The following SLC12A7 variants were observed in gnomAD, a reference collection of about 807,000 sequenced individuals.
The protein encoded by SLC12A7 is solute carrier family 12 member 7, also known as K-Cl cotransporter 4.
A neutral mutation model predicts 120.6 loss-of-function variants in SLC12A7; 100 were observed. That is an observed-to-expected ratio of 0.83 (90% CI 0.71 to 0.98). The LOEUF (loss-of-function observed/expected upper bound fraction) is 0.98, where lower values mean the gene tolerates loss of function less well. Ranked by LOEUF, SLC12A7 falls within the 50% of genes least tolerant of loss-of-function variation. SLC12A7 has a pLI of 0.00. For missense variants in SLC12A7, 1,373 were observed against 1,548.1 expected, an observed-to-expected ratio of 0.89 and a Z score of 1.90; for synonymous variants, 760 against 678.0, an observed-to-expected ratio of 1.12 and a Z score of -1.88.
the SLC12A7 span, among the ~76,000 whole-genome samples, chr5:1,130,547 G>C: frequency 6.6e-6 from 1 of 151,900 alleles, no homozygotes; most frequent in East Asian, 1.9e-4. Flanking sequence ...CAGGGCGGCT[G>C]CCCGCGCAGG....
chr5:1,061,085 G>A (rs1736176637), intron 20 of SLC12A7, among the ~76,000 whole-genome samples: 1 of 83,360 alleles, frequency 1.2e-5, no homozygotes, highest in African/African-American at 4.1e-5. Context: ...TGCCGCATCC[G>A]CCATGCGGAA....
intron 10 of SLC12A7, 41 bp from the exon 11 acceptor site, chr5:1,078,799 G>A: frequency 9.9e-7 from 1 of 1,010,930 alleles, no homozygotes; most frequent in Non-Finnish European, 1.5e-6. Context: ...GTGGGTGCAG[G>A]GTCCTCAGGT....
At chr5:1,147,440 C>A in the SLC12A7 span, among the ~76,000 whole-genome samples, 19 of 151,894 alleles carry the variant, frequency 1.3e-4, no homozygotes, top group South Asian at 3.4e-3. Context: ...CCCGGAGAGA[C>A]CCGCCAGGAG....
rs1738537069 is a variant in SLC12A7, at chr5:1,077,826, G to A, written c.1629+7C>T. 6.3e-7 allele frequency: 1 copy of A among 1,577,488 alleles called. No homozygotes were observed. The highest frequency in any genetic ancestry group is 8.6e-7 in the Non-Finnish European group (1 of 1,162,564). On this transcript the variant is annotated splice_region_variant and intron_variant, in intron 12 of 23. Transcript: ENST00000264930. ...CAGGGTCCCCCCGACGAGGGTGCGGGACTCACCTGCAGGAAGGGGACGATG... is the reference window on the plus strand; with the variant it reads ...CAGGGTCCCCCCGACGAGGGTGCGGAACTCACCTGCAGGAAGGGGACGATG...
chr5:1,058,919 AC>A (rs1735903737), intron 21 of SLC12A7, among the ~76,000 whole-genome samples: 1 of 151,810 alleles, frequency 6.6e-6, no homozygotes, highest in African/African-American at 2.4e-5. Context: ...GACACCTCCA[AC>A]CCCCACCTGG....
chr5:1,075,631 T>C, intron 14 of SLC12A7, 141 bp from the exon 15 acceptor site: 2 of 1,315,178 alleles, frequency 1.5e-6, no homozygotes, highest in East Asian at 2.6e-5. Context: ...CTGACGACCA[T>C]GGCTGTACTC....
chr5:1,103,991 G>A (rs1742263926), intron 1 of SLC12A7, among the ~76,000 whole-genome samples: 1 of 152,234 alleles, frequency 6.6e-6, no homozygotes, highest in Admixed American at 6.5e-5. Context: ...AGGAAGGCGG[G>A]AGAGGCAGGG....
In SLC12A7 at chr5:1,059,786, A is replaced by C. The variant is rs144057038; in HGVS notation, c.2847+558T>G. On this transcript the variant is annotated intron_variant, in intron 21 of 23. Transcript: ENST00000264930. The stretch of plus-strand genomic sequence containing the variant: ...GGGGTGGGGGGTGGGGGGGTTGGCA[A>C]CTCCCCTCCAGCTCGCTTCCCTCCC... Among the ~76,000 whole-genome samples the C allele has an allele frequency of 1.3e-3, 191 of 148,756 alleles. 2 individuals carry two copies. The highest frequency in any genetic ancestry group is 4.1e-3 in the African/African-American group (163 of 40,206).
chr5:1,064,158 G>A lies in SLC12A7; in HGVS notation c.2532C>T (p.Gly844=). The A allele has an allele frequency of 6.2e-7, 1 of 1,612,124 alleles. No individual in the cohort carries two copies. Among genetic ancestry groups the A allele is most frequent in the South Asian group, 1.1e-5 (1 of 91,056 alleles). ...FPQNQERFGG[G]HIDVWWIVHD... ...GCACGATCCACCACACGTCGATGTG[G>A]CCCCCGCCGAAGCGCTCCTGGTTTT... The change falls in exon 19 of 24, where the codon GGC becomes GGT. Residue 844 remains glycine (G), a synonymous_variant. Coordinates refer to ENST00000264930, the MANE Select transcript of SLC12A7 (RefSeq NM_006598.3).
chr5:1,130,324 C>T, the SLC12A7 span, among the ~76,000 whole-genome samples: 8 of 152,180 alleles, frequency 5.3e-5, no homozygotes, highest in African/African-American at 1.9e-4. Flanking sequence ...CTCCTGTCTC[C>T]GCTCAACACC....
At position 1,086,805 on chromosome 5, in the gene SLC12A7, T is replaced by A. The variant is rs1015673943; in HGVS notation, c.675+98A>T. 1.0e-5 allele frequency: 15 copies of A among 1,503,666 alleles called. No homozygotes were observed. The African/African-American group carries it at 2.1e-4, about 21-fold the overall frequency. 93.1% of individuals were successfully genotyped at this position (1,503,666 alleles called of 1,614,324 possible). On this transcript the variant is annotated intron_variant, in intron 6 of 23. Coordinates refer to ENST00000264930, the MANE Select transcript of SLC12A7 (RefSeq NM_006598.3). ...GCCAGGGCAGTGGGGTCAGGATGGC[T>A]CAGTGTGCTGTGTGTGCCACAGAGT...
intron 17 of SLC12A7, 64 bp from the exon 18 acceptor site, chr5:1,065,542 C>T: frequency 7.2e-7 from 1 of 1,390,828 alleles, no homozygotes. Context: ...ACGCCCACCA[C>T]CCACGGTGGC....
At chr5:1,151,621 C>T in the SLC12A7 span, among the ~76,000 whole-genome samples, 1 of 151,082 alleles carries the variant, frequency 6.6e-6, no homozygotes, top group Non-Finnish European at 1.5e-5. This position sits in a 1 kb window ranked among gnomAD's most constrained non-coding sequence, Gnocchi z 6.2. Flanking sequence ...CAGAACCAAC[C>T]GGTGCCAGAA....
Position 1,094,169 on chromosome 5 carries a change from G to C in SLC12A7, c.204C>G (p.Asn68Lys). The change falls in exon 2 of 24, where the codon AAC becomes AAG. Residue 68 changes from asparagine (N) to lysine (K), a missense_variant. By Grantham distance (94) the Asn-to-Lys change is moderately conservative. Coordinates refer to ENST00000264930, the MANE Select transcript of SLC12A7 (RefSeq NM_006598.3). ...VEQESFFEGK[N>K]MALFEEEMDS... ...GTAAAGTTACCTCGAAAAGTGCCAT[G>C]TTCTTCCCTTCAAAGAAGCTCTCTT... 1 of 1,612,720 alleles carries C rather than the reference G, an allele frequency of 6.2e-7. No individual in the cohort carries two copies. The highest frequency in any genetic ancestry group is 8.5e-7 in the Non-Finnish European group (1 of 1,179,062).
chr5:1,082,667 G>A (rs1554017868), intron 8 of SLC12A7, among the ~76,000 whole-genome samples: 2 of 148,516 alleles, frequency 1.3e-5, no homozygotes, highest in Admixed American at 1.3e-4. Flanking sequence ...GGAAAGCCTG[G>A]GCTTCCTCTC....
the SLC12A7 span, among the ~76,000 whole-genome samples, chr5:1,142,325 T>TCCCCC: frequency 2.0e-5 from 1 of 49,600 alleles, no homozygotes; most frequent in African/African-American, 1.0e-4. Flanking sequence ...CCCTCTCCCC[T>TCCCCC]CTCTCCTCTC....
intron 22 of SLC12A7, among the ~76,000 whole-genome samples, chr5:1,055,787 C>A (rs1735549248): frequency 6.6e-6 from 1 of 152,246 alleles, no homozygotes; most frequent in Non-Finnish European, 1.5e-5. Flanking sequence ...ACACGCTATT[C>A]TGAAGGCACT....
intron 22 of SLC12A7, among the ~76,000 whole-genome samples, chr5:1,054,367 GA>G (rs1257763682): frequency 1.3e-5 from 2 of 152,248 alleles, no homozygotes; most frequent in Non-Finnish European, 2.9e-5. Context: ...TAGGTTTGGG[GA>G]CACTGCAGAA....
chr5:1,141,629 T>C, the SLC12A7 span, among the ~76,000 whole-genome samples: 17 of 152,342 alleles, frequency 1.1e-4, no homozygotes, highest in African/African-American at 3.8e-4. Context: ...GTGTGGTCAC[T>C]GAAGTTTATA....
Sources: gnomAD v4.1 joint callset for allele counts (sites outside exome capture counted in the v4.1 genomes callset) on GRCh38, gnomAD v4.1.1 for gene constraint, Gnocchi (gnomAD v3.1) non-coding constraint, MANE v1.5 for transcripts, NCBI Gene and HGNC (gene_info 2026-07-23, HGNC 2026-07-21) for gene names.